Variants in MTUS1 observed in about 807,000 individuals in gnomAD.
MTUS1 encodes microtubule associated scaffold protein 1, also known as microtubule-associated tumor suppressor 1.
In MTUS1, 109 loss-of-function variants were observed where a neutral mutation model predicts 120.8. The ratio of observed to expected loss-of-function variants is 0.90; its 90% CI spans 0.77 to 1.06. The LOEUF (loss-of-function observed/expected upper bound fraction) is 1.06. MTUS1 is among the 50% of genes least tolerant of loss of function. The pLI, the probability that MTUS1 is intolerant of heterozygous loss-of-function variation, is 0.00. For missense variants in MTUS1, 2,210 were observed against 1,486.3 expected (o/e 1.49, Z -8.01); for synonymous variants, 737 against 550.5 (o/e 1.34, Z -4.74).
intron 12 of MTUS1, among the ~76,000 whole-genome samples, chr8:17,652,489 G>A (rs1807223737): frequency 6.6e-6 from 1 of 151,964 alleles, no homozygotes; most frequent in African/African-American, 2.4e-5. Context: ...TGGTGCTGGG[G>A]AATTTGGGGG....
chr8:17,792,277 A>G (rs187534339), intron 1 of MTUS1, among the ~76,000 whole-genome samples: 7 of 152,310 alleles, frequency 4.6e-5, no homozygotes, highest in African/African-American at 1.4e-4. Flanking sequence ...TGAAGGATGG[A>G]GGGCTAATCA....
chr8:17,702,267 CA>C (rs1819248320), intron 6 of MTUS1, among the ~76,000 whole-genome samples: 1 of 152,170 alleles, frequency 6.6e-6, no homozygotes, highest in Admixed American at 6.5e-5. Flanking sequence ...AAGAAATAAG[CA>C]AGAACTGAGA....
At chr8:17,741,532 G>A (rs1055332870) in intron 3 of MTUS1, among the ~76,000 whole-genome samples, 4 of 152,164 alleles carry the variant, frequency 2.6e-5, no homozygotes, top group African/African-American at 7.2e-5. Context: ...GATGATAAAA[G>A]CTCAAAAGCA....
intron 8 of MTUS1, among the ~76,000 whole-genome samples, chr8:17,669,256 G>T (rs940312229): frequency 6.6e-6 from 1 of 152,202 alleles, no homozygotes; most frequent in Admixed American, 6.5e-5. Flanking sequence ...TTTTAGCTAA[G>T]ACTTAAAAAC....
intron 1 of MTUS1, among the ~76,000 whole-genome samples, chr8:17,779,974 G>A (rs2050745917): frequency 6.6e-6 from 1 of 152,310 alleles, no homozygotes; most frequent in Middle Eastern, 3.4e-3. Context: ...ACATGGGTTG[G>A]ATGTGTGTCC....
chr8:17,708,700 T>A (rs1022208660), intron 6 of MTUS1: 1 of 152,224 alleles, frequency 6.6e-6, no homozygotes, highest in Non-Finnish European at 1.5e-5. Flanking sequence ...AGCCTAAATG[T>A]GTACAGCAGA....
intron 3 of MTUS1, 106 bp from the exon 4 acceptor site, chr8:17,723,939 C>T (rs2046022559): frequency 1.2e-6 from 1 of 853,774 alleles, no homozygotes; most frequent in African/African-American, 1.7e-5. Context: ...AAAGTCAAAA[C>T]ACAAAATGAA....
intron 2 of MTUS1, among the ~76,000 whole-genome samples, chr8:17,748,655 C>G (rs1210202533): frequency 2.6e-5 from 4 of 152,186 alleles, no homozygotes. Context: ...CATGCTCCTG[C>G]CGGTGCTCAA....
chr8:17,780,642 CT>C (rs2050804217), intron 1 of MTUS1, among the ~76,000 whole-genome samples: 1 of 152,182 alleles, frequency 6.6e-6, no homozygotes, highest in South Asian at 2.1e-4. Context: ...CATTCCTCAC[CT>C]TCACTATTAT....
chr8:17,764,282 G>A (rs778068248), intron 1 of MTUS1, among the ~76,000 whole-genome samples: 1 of 152,040 alleles, frequency 6.6e-6, no homozygotes, highest in African/African-American at 2.4e-5. Flanking sequence ...AGGGTAGCTG[G>A]TGACATCTGA....
At chr8:17,688,073 C>A (rs992902969) in intron 6 of MTUS1, among the ~76,000 whole-genome samples, 1 of 152,178 alleles carries the variant, frequency 6.6e-6, no homozygotes, top group Admixed American at 6.5e-5. Flanking sequence ...AATCTGCTGG[C>A]TTTTCCAATT....
At chr8:17,693,733 C>G (rs972989665) in intron 6 of MTUS1, among the ~76,000 whole-genome samples, 33 of 152,214 alleles carry the variant, frequency 2.2e-4, no homozygotes, top group African/African-American at 7.5e-4. Flanking sequence ...TGCTTGGGCA[C>G]AAGTCCACAC....
intron 1 of MTUS1, among the ~76,000 whole-genome samples, chr8:17,767,434 T>G (rs779840895): frequency 6.6e-6 from 1 of 151,408 alleles, no homozygotes; most frequent in African/African-American, 2.4e-5. Flanking sequence ...CAGTGGCTCA[T>G]AGCTGTAATC....
intron 1 of MTUS1, among the ~76,000 whole-genome samples, chr8:17,781,670 G>T (rs951117697): frequency 2.0e-5 from 3 of 152,108 alleles, no homozygotes; most frequent in African/African-American, 7.2e-5. Context: ...AAGAAGAAAT[G>T]CTGGCTCTCC....
intron 6 of MTUS1, among the ~76,000 whole-genome samples, chr8:17,699,712 T>A (rs1299238776): frequency 1.3e-5 from 2 of 152,228 alleles, no homozygotes; most frequent in Non-Finnish European, 2.9e-5. Flanking sequence ...TAAATTCAGT[T>A]CTTTCCCAAA....
At chr8:17,724,118 A>G in intron 3 of MTUS1, 1 of 533,730 alleles carries the variant, frequency 1.9e-6, no homozygotes. Context: ...TCTCTGAAGG[A>G]GATGATCAAT....
At chr8:17,690,208 A>T (rs1175437773) in intron 6 of MTUS1, among the ~76,000 whole-genome samples, 1 of 152,238 alleles carries the variant, frequency 6.6e-6, no homozygotes, top group Admixed American at 6.5e-5. Context: ...AAATGGGCAA[A>T]GGACATGAAC....
At chr8:17,723,230 CTT>C (rs1385783397) in intron 4 of MTUS1, 6 of 180,612 alleles carry the variant, frequency 3.3e-5, no homozygotes, top group South Asian at 1.2e-4. Flanking sequence ...TAACTGAAAA[CTT>C]TAACAAAATT....
intron 3 of MTUS1, among the ~76,000 whole-genome samples, chr8:17,737,094 CATG>C (rs2046989226): frequency 6.6e-6 from 1 of 152,128 alleles, no homozygotes; most frequent in African/African-American, 2.4e-5. Flanking sequence ...CACATATGTC[CATG>C]AAAGAAGACA....
Sources: gnomAD v4.1 joint callset for allele counts (sites outside exome capture counted in the v4.1 genomes callset) on GRCh38, gnomAD v4.1.1 for gene constraint, MANE v1.5 for transcripts, NCBI Gene and HGNC (gene_info 2026-07-23, HGNC 2026-07-21) for gene names.